The following LSS variants were observed in gnomAD, a reference collection of about 807,000 sequenced individuals.
LSS encodes the protein lanosterol synthase.
LSS carries 90 observed loss-of-function variants against 110.3 expected under a neutral mutation model. The ratio of observed to expected loss-of-function variants is 0.82; its 90% CI spans 0.69 to 0.97. The LOEUF is 0.97. Ranked by LOEUF, LSS falls within the 50% of genes least tolerant of loss-of-function variation. The pLI is 0.00. For missense variants in LSS, 927 were observed against 990.0 expected, an observed-to-expected ratio of 0.94 and a Z score of 0.85; for synonymous variants, 433 against 400.0, an observed-to-expected ratio of 1.08 and a Z score of -0.98.
intron 2 of LSS, among the ~76,000 whole-genome samples, chr21:46,228,079 C>T (rs1336433559): frequency 6.6e-6 from 1 of 152,234 alleles, no homozygotes; most frequent in African/African-American, 2.4e-5. Context: ...ACCCTGTTTA[C>T]ACTGCAGACT....
intron 9 of LSS, 22 bp from the exon 10 acceptor site, chr21:46,213,857 C>T (rs1466004586): frequency 6.4e-7 from 1 of 1,569,606 alleles, no homozygotes; most frequent in Non-Finnish European, 8.8e-7. Context: ...ACAGCCCTGT[C>T]AAGGCTCCGC....
At chr21:46,201,649 C>G (rs1435181466) in intron 17 of LSS, among the ~76,000 whole-genome samples, 1 of 152,064 alleles carries the variant, frequency 6.6e-6, no homozygotes, top group African/African-American at 2.4e-5. Context: ...AACAGGAGCA[C>G]TTTTCAGTAT....
rs2280955 is a variant in LSS, at chr21:46,222,483, C to T, written c.428+147G>A. 0.32 allele frequency: 208,550 copies of T among 653,344 alleles called. 35,368 individuals are homozygous for T. Among genetic ancestry groups the T allele is most frequent in the Admixed American group, 0.42 (15,151 of 35,656 alleles). The allele number at this position is 653,344 out of a possible 1,614,324, so 40.5% of individuals were successfully genotyped here. A position where few individuals can be genotyped will look rare whatever the true frequency, so the allele number is the denominator to read the frequency against. ...CCTGCATGGCCTTCAGCCCACTCCCCGCCTGCTAGTCTCTCCCTCACCCAC... is the reference window on the plus strand; with the variant it reads ...CCTGCATGGCCTTCAGCCCACTCCCTGCCTGCTAGTCTCTCCCTCACCCAC... On this transcript the variant is annotated intron_variant, in intron 4 of 21. Coordinates refer to ENST00000397728, the MANE Select transcript of LSS (RefSeq NM_002340.6).
intron 19 of LSS, 35 bp from the exon 20 acceptor site, chr21:46,194,696 C>A: frequency 6.3e-7 from 1 of 1,594,602 alleles, no homozygotes. Context: ...ACCATCACAC[C>A]AAGGAAGGTC....
chr21:46,191,186 C>T lies in LSS; in HGVS notation c.2117G>A (p.Ser706Asn), dbSNP rs761781316. ...FNKSCAISYT[S>N]YRNIFPIWAL... ...CCAGATGGGGAAGATGTTCCTGTAG[C>T]TCGTGTAGGAGATGGCACAGGACTT... The change falls in exon 22 of 22, where the codon AGC becomes AAC. Residue 706 changes from serine (S) to asparagine (N), a missense_variant. Ser to Asn is a conservative substitution (Grantham distance 46, BLOSUM62 1). Transcript: ENST00000397728. The T allele has an allele frequency of 6.8e-6, 11 of 1,614,016 alleles. No individual in the cohort carries two copies. The highest frequency in any genetic ancestry group is 2.2e-5 in the South Asian group (2 of 91,094).
In LSS at chr21:46,216,534, C is replaced by T. The variant is rs1310037079; in HGVS notation, c.648-10G>A. On this transcript the variant is annotated splice_polypyrimidine_tract_variant and intron_variant, in intron 6 of 21. Transcript: ENST00000397728. This position sits in a 1 kb window ranked among gnomAD's most constrained non-coding sequence, Gnocchi z 4.2. Reference sequence around the variant, plus strand: ...CCAGTCAGGAAACAGCCTGGGGCAACAGCAGGAGTCAGTGGGAGACCCCAA... The same window carrying T: ...CCAGTCAGGAAACAGCCTGGGGCAATAGCAGGAGTCAGTGGGAGACCCCAA... 15 of 1,586,852 alleles carry T rather than the reference C, an allele frequency of 9.5e-6. No homozygotes were observed. The highest frequency in any genetic ancestry group is 1.2e-5 in the Non-Finnish European group (14 of 1,163,574).
chr21:46,204,385 A>AT (rs575518337), intron 17 of LSS, among the ~76,000 whole-genome samples: 176 of 148,758 alleles, frequency 1.2e-3, no homozygotes, highest in Middle Eastern at 3.5e-3. Context: ...AAAGACTAAG[A>AT]TTTTTTTTTT....
intron 11 of LSS, among the ~76,000 whole-genome samples, chr21:46,211,376 A>G (rs1017813953): frequency 1.4e-4 from 21 of 152,050 alleles, no homozygotes; most frequent in African/African-American, 4.3e-4. Context: ...TGATCCGCCC[A>G]CCTTGGCCTC....
At chr21:46,194,414 C>T in intron 20 of LSS, 77 bp downstream of exon 20, 1 of 1,562,514 alleles carries the variant, frequency 6.4e-7, no homozygotes, top group Non-Finnish European at 8.7e-7. Flanking sequence ...ATTCACTCAG[C>T]CCAGGCCACC....
intron 10 of LSS, among the ~76,000 whole-genome samples, chr21:46,213,481 T>A (rs548392658): frequency 1.3e-5 from 2 of 152,266 alleles, no homozygotes; most frequent in East Asian, 3.9e-4. Flanking sequence ...GATGCCAACC[T>A]GAACCTGCCC....
At chr21:46,215,111 C>T in intron 9 of LSS, 69 bp downstream of exon 9, 2 of 1,320,840 alleles carry the variant, frequency 1.5e-6, no homozygotes, top group African/African-American at 1.4e-5. Flanking sequence ...CACAGCCCGG[C>T]CTCTAGGACT....
At position 46,210,809 on chromosome 21, in the gene LSS, A is replaced by G. The variant is rs536620500; in HGVS notation, c.1138-65T>C. 2.0e-5 allele frequency: 31 copies of G among 1,514,630 alleles called. 1 individual carries two copies. In the East Asian group the frequency reaches 3.6e-4, roughly 18 times the overall value. The allele number at this position is 1,514,630 out of a possible 1,614,324, so 93.8% of individuals were successfully genotyped here. On this transcript the variant is annotated intron_variant, in intron 11 of 21. Transcript: ENST00000397728. ...CCTCCCACTCCCAGCCACTGCCTCC[A>G]GGATCCAATGGGCGCCTGAGGGCCA...
rs1330586648 is a variant in LSS at position 46,212,062 on chromosome 21, GCAGGGAGGGGA to G, written c.1137+952_1137+962del. Among the ~76,000 whole-genome samples, 6 of 115,488 alleles carry G rather than the reference GCAGGGAGGGGA, an allele frequency of 5.2e-5. No individual in the cohort carries two copies. The South Asian group carries it at 8.1e-4, about 16-fold the overall frequency. The allele number at this position is 115,488 out of a possible 152,430, so 75.8% of individuals were successfully genotyped here. On this transcript the variant is annotated intron_variant, in intron 11 of 21. Coordinates refer to ENST00000397728, the MANE Select transcript of LSS (RefSeq NM_002340.6). ...CTGAGGGAGCGCTGGGCAGGGAGGG[GCAGGGAGGGGA>G]CAGGGAGGGGCAGGGAGGCCAGGGC...
chr21:46,194,981 G>A (rs927614240), intron 19 of LSS, among the ~76,000 whole-genome samples: 7 of 152,210 alleles, frequency 4.6e-5, no homozygotes, highest in African/African-American at 1.4e-4. Flanking sequence ...AGCCAAGCAC[G>A]GTGCTCCCCA....
chr21:46,221,287 T>C (rs1465514378), intron 5 of LSS, among the ~76,000 whole-genome samples: 3 of 152,172 alleles, frequency 2.0e-5, no homozygotes, highest in Non-Finnish European at 4.4e-5. Flanking sequence ...AAGGTGGACA[T>C]ATTAACACGG....
intron 14 of LSS, 120 bp downstream of exon 14, chr21:46,208,131 C>T: frequency 1.1e-6 from 1 of 914,874 alleles, no homozygotes; most frequent in South Asian, 1.5e-5. Flanking sequence ...GCAGGACACC[C>T]AAAAACGCCA....
chr21:46,204,188 G>A (rs531582123), intron 17 of LSS, among the ~76,000 whole-genome samples: 98 of 151,994 alleles, frequency 6.4e-4, no homozygotes, highest in African/African-American at 1.5e-3. Flanking sequence ...CCAGCTACTC[G>A]GGAGGCTGAG....
chr21:46,218,508 C>T (rs1193649479), intron 6 of LSS, among the ~76,000 whole-genome samples: 1 of 151,954 alleles, frequency 6.6e-6, no homozygotes, highest in Non-Finnish European at 1.5e-5. Context: ...ACTGTAATCC[C>T]AGCTACTCGG....
At chr21:46,206,821 G>C in intron 15 of LSS, 53 bp from the exon 16 acceptor site, 1 of 1,342,984 alleles carries the variant, frequency 7.4e-7, no homozygotes, top group African/African-American at 1.4e-5. Flanking sequence ...GCACACACAG[G>C]CGCCCAGGGC....
Sources: allele counts gnomAD v4.1 joint callset (sites outside exome capture counted in the v4.1 genomes callset), GRCh38; gene constraint gnomAD v4.1.1; non-coding constraint Gnocchi (gnomAD v3.1); transcripts MANE v1.5; gene names NCBI Gene and HGNC (gene_info 2026-07-23, HGNC 2026-07-21).